The following MCC variants were observed in gnomAD, a reference collection of about 807,000 sequenced individuals.
The protein encoded by MCC is colorectal mutant cancer protein.
MCC carries 90 observed loss-of-function variants against 116.2 expected under a neutral mutation model. That is an observed-to-expected ratio of 0.77 (90% CI 0.65 to 0.92). The LOEUF is 0.92. Among genes scored for constraint, MCC ranks in the 40% least tolerant of loss-of-function variants. The pLI is 0.00. For synonymous variants in MCC, 578 were observed against 510.5 expected (o/e 1.13, Z -1.78); for missense variants, 1,516 against 1,312.2 (o/e 1.16, Z -2.40).
At chr5:113,479,555 C>A (rs781341031) in intron 1 of MCC, among the ~76,000 whole-genome samples, 1 of 146,570 alleles carries the variant, frequency 6.8e-6, no homozygotes, top group Non-Finnish European at 1.5e-5. Flanking sequence ...AATGTGTCCT[C>A]TTCCAAATTG....
chr5:113,101,701 C>A (rs1756420973), intron 8 of MCC, 38 bp downstream of exon 8: 2 of 1,606,808 alleles, frequency 1.2e-6, no homozygotes, highest in Middle Eastern at 3.3e-4. Flanking sequence ...GCCCCATGCC[C>A]AGGAAGGGCC....
At chr5:113,468,095 G>A (rs9763962) in intron 1 of MCC, among the ~76,000 whole-genome samples, 5,128 of 152,232 alleles carry the variant, frequency 0.034, 135 homozygotes, top group African/African-American at 0.073. Context: ...AGACAATGGG[G>A]TTTTCTAGAT....
At chr5:113,277,233 T>C (rs1406369127) in intron 3 of MCC, among the ~76,000 whole-genome samples, 2 of 151,418 alleles carry the variant, frequency 1.3e-5, no homozygotes, top group Non-Finnish European at 2.9e-5. Context: ...CCAGACATCA[T>C]GGCGGGCACC....
rs548336222 is a variant in MCC, at chr5:113,326,869, C to A, written c.627+13650G>T. Among the ~76,000 whole-genome samples the A allele has an allele frequency of 3.9e-3, 587 of 152,200 alleles. 5 individuals carry two copies. Among genetic ancestry groups the A allele is most frequent in the Non-Finnish European group, 6.3e-3 (426 of 67,990 alleles). ...TTATTTCAGATTCTGTCAATAAGGT[C>A]TTTTTCTATAATGAAATAAAAATTT... On this transcript the variant is annotated intron_variant, in intron 3 of 18. Coordinates refer to ENST00000408903, the MANE Select transcript of MCC (RefSeq NM_001085377.2).
chr5:113,326,083 T>C (rs1199996050), intron 3 of MCC, among the ~76,000 whole-genome samples: 1 of 152,208 alleles, frequency 6.6e-6, no homozygotes, highest in Non-Finnish European at 1.5e-5. Context: ...GCCATTAATA[T>C]GCACAGGTAT....
rs771854968 is a variant in MCC, at chr5:113,029,062, T to G, written c.2757-6A>C. 20 of 1,606,538 alleles carry G rather than the reference T, an allele frequency of 1.2e-5. No individual in the cohort carries two copies. In the South Asian group the frequency reaches 2.0e-4, roughly 16 times the overall value. On this transcript the variant is annotated splice_polypyrimidine_tract_variant and splice_region_variant and intron_variant, in intron 17 of 18. Transcript: ENST00000408903. The stretch of plus-strand genomic sequence containing the variant: ...TGGCCTTCAACTTCTTTTCTCTATA[T>G]TAAAGGAGACAAAATATGCCAGGAG...
At chr5:113,040,969 G>A (rs1185655224) in intron 17 of MCC, among the ~76,000 whole-genome samples, 1 of 152,190 alleles carries the variant, frequency 6.6e-6, no homozygotes, top group East Asian at 1.9e-4. Flanking sequence ...ATATCCAAAT[G>A]GCTCCCACTG....
At chr5:113,301,009 T>G (rs1009075513) in intron 3 of MCC, among the ~76,000 whole-genome samples, 2 of 152,118 alleles carry the variant, frequency 1.3e-5, no homozygotes, top group Admixed American at 1.3e-4. Context: ...ATATGTAGGG[T>G]CGGCGAGTTT....
Position 113,164,904 on chromosome 5 carries a change from G to A in MCC, c.628-13482C>T, listed in dbSNP as rs1760690526. On this transcript the variant is annotated intron_variant, in intron 3 of 18. Coordinates refer to ENST00000408903, the MANE Select transcript of MCC (RefSeq NM_001085377.2). Reference sequence around the variant, plus strand: ...TCAGTGGGATCCCCATGCTTGCTCTGACAGTGCCTGGCACCAGAGGTAAGA... The same window carrying A: ...TCAGTGGGATCCCCATGCTTGCTCTAACAGTGCCTGGCACCAGAGGTAAGA... Among the ~76,000 whole-genome samples the A allele has an allele frequency of 4.6e-5, 7 of 152,174 alleles. 1 individual carries two copies. The South Asian group carries it at 1.4e-3, about 31-fold the overall frequency.
At chr5:113,352,651 C>T (rs1266736266) in intron 2 of MCC, among the ~76,000 whole-genome samples, 2 of 150,574 alleles carry the variant, frequency 1.3e-5, no homozygotes, top group Non-Finnish European at 2.9e-5. Flanking sequence ...TTTTTTTCCC[C>T]CTGCATCAGC....
intron 3 of MCC, among the ~76,000 whole-genome samples, chr5:113,264,761 G>C (rs979549450): frequency 1.3e-5 from 2 of 152,122 alleles, no homozygotes; most frequent in Admixed American, 6.5e-5. Flanking sequence ...AGTTGCACTG[G>C]GCCAGGCATG....
intron 3 of MCC, among the ~76,000 whole-genome samples, chr5:113,270,493 C>A (rs1394466149): frequency 6.6e-6 from 1 of 151,064 alleles, no homozygotes; most frequent in African/African-American, 2.4e-5. Context: ...AAGCACTCAG[C>A]CTAGTCCCCA....
intron 3 of MCC, among the ~76,000 whole-genome samples, chr5:113,209,969 C>T (rs1276542703): frequency 1.3e-5 from 2 of 152,256 alleles, no homozygotes; most frequent in East Asian, 1.9e-4. Context: ...TGCTTAAAAC[C>T]GTCTATCGGA....
intron 1 of MCC, among the ~76,000 whole-genome samples, chr5:113,410,095 C>G (rs956623909): frequency 6.6e-6 from 1 of 152,116 alleles, no homozygotes; most frequent in Non-Finnish European, 1.5e-5. Context: ...TCTCTGTCTC[C>G]GTATAACTTC....
At chr5:113,103,799 T>C (rs1756571553) in intron 7 of MCC, among the ~76,000 whole-genome samples, 1 of 152,162 alleles carries the variant, frequency 6.6e-6, no homozygotes, top group African/African-American at 2.4e-5. Flanking sequence ...GCAAGAGGAA[T>C]TGATGAATGG....
intron 3 of MCC, among the ~76,000 whole-genome samples, chr5:113,310,207 C>T (rs1446490982): frequency 6.6e-6 from 1 of 152,236 alleles, no homozygotes; most frequent in Non-Finnish European, 1.5e-5. Context: ...GAAGGCTCCA[C>T]TCTCATAAAT....
intron 3 of MCC, among the ~76,000 whole-genome samples, chr5:113,219,776 G>C (rs542515811): frequency 1.3e-5 from 2 of 152,208 alleles, no homozygotes; most frequent in East Asian, 3.9e-4. Context: ...AAGGTTTAGA[G>C]GAGTGCTATA....
At chr5:113,037,884 T>G (rs181756346) in intron 17 of MCC, among the ~76,000 whole-genome samples, 5 of 152,192 alleles carry the variant, frequency 3.3e-5, no homozygotes, top group Admixed American at 2.6e-4. Context: ...GGGGAAACAT[T>G]TGAAATATGG....
rs191447679 is a variant in MCC, at chr5:113,078,210, G to A, written c.1784+4650C>T. Among the ~76,000 whole-genome samples, 82 of 152,210 alleles carry A rather than the reference G, an allele frequency of 5.4e-4. No individual in the cohort carries two copies. The East Asian group carries it at 0.014, about 26-fold the overall frequency. On this transcript the variant is annotated intron_variant, in intron 11 of 18. Transcript: ENST00000408903. ...TCCAGGACCAGACAGATTCACAGCC[G>A]AATTCTACCAGAGGTACAAGGAGAA...
Sources: gnomAD v4.1 joint callset for allele counts (sites outside exome capture counted in the v4.1 genomes callset) on GRCh38, gnomAD v4.1.1 for gene constraint, MANE v1.5 for transcripts, NCBI Gene and HGNC (gene_info 2026-07-23, HGNC 2026-07-21) for gene names.